DAB1: variants seen among roughly 807,000 people sequenced by gnomAD.
DAB1 encodes DAB adaptor protein 1.
A neutral mutation model predicts 64.6 loss-of-function variants in DAB1; 15 were observed. That is an observed-to-expected ratio of 0.23 (90% CI 0.16 to 0.36). The LOEUF (loss-of-function observed/expected upper bound fraction) is 0.36. DAB1 is among the 10% of genes least tolerant of loss of function. The pLI is 1.00. For missense variants in DAB1, 596 were observed against 706.7 expected (o/e 0.84, Z 1.78); for synonymous variants, 235 against 251.9 (o/e 0.93, Z 0.64).
chr1:57,156,485 G>A lies in DAB1; in HGVS notation c.68-11056C>T, dbSNP rs146385770. On this transcript the variant is annotated intron_variant, in intron 2 of 14. Transcript: ENST00000371236. ...TGATGCCAGAACAGAGCAGACCTGC[G>A]GTGTCCAGATCTGCTGAATAACTGA... Among the ~76,000 whole-genome samples, 99 of 152,144 alleles carry A rather than the reference G, an allele frequency of 6.5e-4. No homozygotes were observed. The East Asian group carries it at 7.9e-3, about 12-fold the overall frequency.
At chr1:57,116,615 A>C (rs1656157035) in intron 4 of DAB1, among the ~76,000 whole-genome samples, 1 of 152,144 alleles carries the variant, frequency 6.6e-6, no homozygotes, top group African/African-American at 2.4e-5. Context: ...GCAGAAGCAA[A>C]GTGGACAGTT....
chr1:57,383,304 G>A (rs570917704), intron 1 of DAB1, among the ~76,000 whole-genome samples: 2 of 152,152 alleles, frequency 1.3e-5, no homozygotes, highest in Non-Finnish European at 2.9e-5. Flanking sequence ...TCTATTATGA[G>A]AGCCTGTTCA....
intron 1 of DAB1, chr1:58,539,115 C>G: frequency 1.1e-6 from 1 of 872,944 alleles, no homozygotes; most frequent in Non-Finnish European, 2.0e-6. Flanking sequence ...GAAAACTCCA[C>G]CTGTCACACT....
chr1:57,169,216 C>A (rs1661494063), intron 2 of DAB1, among the ~76,000 whole-genome samples: 1 of 152,104 alleles, frequency 6.6e-6, no homozygotes, highest in African/African-American at 2.4e-5. Context: ...GTCTGACAAC[C>A]TTAACAGGTA....
intron 4 of DAB1, among the ~76,000 whole-genome samples, chr1:58,288,040 A>AG (rs1661732337): frequency 1.6e-5 from 2 of 123,962 alleles, no homozygotes; most frequent in East Asian, 4.9e-4. Flanking sequence ...AAAAAAAAAA[A>AG]AAAAAGAAAA....
intron 7 of DAB1, among the ~76,000 whole-genome samples, chr1:57,489,343 G>C (rs1403856104): frequency 6.6e-6 from 1 of 152,124 alleles, no homozygotes; most frequent in Non-Finnish European, 1.5e-5. Flanking sequence ...TGTGGTCTTA[G>C]CTATTGGTAG....
intron 1 of DAB1, among the ~76,000 whole-genome samples, chr1:57,353,263 A>C (rs1678753187): frequency 6.6e-6 from 1 of 151,860 alleles, no homozygotes; most frequent in African/African-American, 2.4e-5. Context: ...GCAGATATTC[A>C]CTGAGTGCTC....
At chr1:57,621,250 G>T (rs1645854490) in intron 7 of DAB1, among the ~76,000 whole-genome samples, 1 of 115,004 alleles carries the variant, frequency 8.7e-6, no homozygotes. Context: ...TTTAAGAGAG[G>T]GAGTGAGATT....
chr1:58,313,144 T>C (rs111682804), intron 4 of DAB1, among the ~76,000 whole-genome samples: 1,833 of 152,240 alleles, frequency 0.012, 36 homozygotes, highest in African/African-American at 0.043. Context: ...GACCCACTCA[T>C]AGTTTATGCA....
chr1:57,049,011 G>A (rs1237594063), intron 9 of DAB1, among the ~76,000 whole-genome samples: 1 of 152,144 alleles, frequency 6.6e-6, no homozygotes, highest in Non-Finnish European at 1.5e-5. Context: ...CTCCATTAAT[G>A]ACAGCTCAGT....
At position 57,864,323 on chromosome 1, in the gene DAB1, T is replaced by C. The variant is rs535200906; in HGVS notation, n.87+19676A>G. On this transcript the variant is annotated intron_variant and non_coding_transcript_variant, in intron 1 of 1. Coordinates refer to the DAB1 transcript ENST00000477280. ...TGATAACAATAACATAACTTCTTCC[T>C]CTTATTAAAACTTCTCTATGTACCA... The C allele has an allele frequency of 2.6e-5, 4 of 152,348 alleles. No homozygotes were observed. In the South Asian group the frequency reaches 8.3e-4, roughly 32 times the overall value. The allele number at this position is 152,348 out of a possible 1,614,324, so 9.4% of individuals were successfully genotyped here. A position where few individuals can be genotyped will look rare whatever the true frequency, so the allele number is the denominator to read the frequency against.
At chr1:58,197,383 A>C (rs1657739589) in intron 4 of DAB1, among the ~76,000 whole-genome samples, 1 of 149,488 alleles carries the variant, frequency 6.7e-6, no homozygotes, top group African/African-American at 2.5e-5. Flanking sequence ...AGAAGAAACA[A>C]ACATTCAGTA....
intron 7 of DAB1, among the ~76,000 whole-genome samples, chr1:57,577,266 A>T (rs1232893296): frequency 2.6e-5 from 4 of 152,218 alleles, no homozygotes; most frequent in Admixed American, 2.6e-4. Flanking sequence ...CCTCCTCGTA[A>T]CAGCTCAGAA....
intron 4 of DAB1, among the ~76,000 whole-genome samples, chr1:58,241,154 T>C (rs1424374091): frequency 1.3e-5 from 2 of 152,176 alleles, no homozygotes; most frequent in Admixed American, 1.3e-4. Context: ...AATTGATGTT[T>C]ATGATATTTC....
chr1:58,448,366 G>GT (rs1227620349), intron 3 of DAB1, among the ~76,000 whole-genome samples: 3 of 152,184 alleles, frequency 2.0e-5, no homozygotes, highest in African/African-American at 7.2e-5. Flanking sequence ...ATAACAGAAA[G>GT]TAGATAACAG....
intron 3 of DAB1, among the ~76,000 whole-genome samples, chr1:58,460,413 G>A (rs1377549233): frequency 6.6e-6 from 1 of 152,132 alleles, no homozygotes; most frequent in African/African-American, 2.4e-5. Context: ...TGTTTGGAGA[G>A]GTGGGGACCA....
chr1:57,793,397 G>A (rs1650695772), intron 6 of DAB1, among the ~76,000 whole-genome samples: 1 of 152,182 alleles, frequency 6.6e-6, no homozygotes, highest in Admixed American at 6.5e-5. Context: ...CCATAGGAAT[G>A]TTGATCCTGA....
chr1:57,313,743 G>C (rs1348586563), intron 1 of DAB1, among the ~76,000 whole-genome samples: 1 of 152,178 alleles, frequency 6.6e-6, no homozygotes, highest in Non-Finnish European at 1.5e-5. Context: ...CATAGACAAT[G>C]TTTATGCCCC....
intron 7 of DAB1, among the ~76,000 whole-genome samples, chr1:57,468,880 A>C (rs1687044748): frequency 6.6e-6 from 1 of 152,196 alleles, no homozygotes; most frequent in Non-Finnish European, 1.5e-5. Context: ...ACAAATATTA[A>C]CTCAGTGTTG....
Sources: gnomAD v4.1 joint callset for allele counts (sites outside exome capture counted in the v4.1 genomes callset) on GRCh38, gnomAD v4.1.1 for gene constraint, MANE v1.5 for transcripts, NCBI Gene and HGNC (gene_info 2026-07-23, HGNC 2026-07-21) for gene names.